Variants in DDX25 observed in about 807,000 individuals in gnomAD.
DDX25 encodes ATP-dependent RNA helicase DDX25.
DDX25 carries 70 observed loss-of-function variants against 64.6 expected under a neutral mutation model. That is an observed-to-expected ratio of 1.08 (90% CI 0.89 to 1.32). The LOEUF (loss-of-function observed/expected upper bound fraction) is 1.32. Ranked by LOEUF, DDX25 falls within the 40% of genes most tolerant of loss-of-function variation. DDX25 has a pLI of 0.00. For missense variants in DDX25, 587 were observed against 604.4 expected (o/e 0.97, Z 0.30); for synonymous variants, 211 against 213.3 (o/e 0.99, Z 0.09).
chr11:125,911,207 C>A lies in DDX25; in HGVS notation c.623-104C>A, dbSNP rs1944962868. ...GGGGTTTCCACTTGGAAAATTATTACAAACTGTATTTTTGCTTATGAGCTT... is the reference window on the plus strand; with the variant it reads ...GGGGTTTCCACTTGGAAAATTATTAAAAACTGTATTTTTGCTTATGAGCTT... On this transcript the variant is annotated intron_variant, in intron 7 of 11. Coordinates refer to ENST00000263576, the MANE Select transcript of DDX25 (RefSeq NM_013264.5). 7.3e-6 allele frequency: 8 copies of A among 1,096,238 alleles called. No individual in the cohort carries two copies. The Admixed American group carries it at 2.9e-4, about 39-fold the overall frequency. The allele number at this position is 1,096,238 out of a possible 1,614,324, so 67.9% of individuals were successfully genotyped here.
At position 125,921,245 on chromosome 11, in the gene DDX25, A is replaced by G; in HGVS notation, c.1256A>G (p.Gln419Arg). The change falls in exon 11 of 12, where the codon CAA becomes CGA. Residue 419 changes from glutamine to arginine, a missense_variant. Physicochemically the swap from Gln to Arg is conservative, Grantham distance 43 (BLOSUM62 1). Transcript: ENST00000263576. This position sits in a 1 kb window ranked among gnomAD's most constrained non-coding sequence, Gnocchi z 4.1. ...GTGAACTTTGATCTCCCTGTAAAAC[A>G]AGGAGAGGAGCCGGACTATGAGACC... ...IVVNFDLPVK[Q>R]GEEPDYETYL... 6.2e-7 allele frequency: 1 copy of G among 1,613,050 alleles called. No homozygotes were observed. Among genetic ancestry groups the G allele is most frequent in the Non-Finnish European group, 8.5e-7 (1 of 1,179,620 alleles).
At position 125,911,371 on chromosome 11, in the gene DDX25, A is replaced by G. The variant is rs1944966555; in HGVS notation, c.683A>G (p.Asp228Gly). Residue 228 changes from aspartate to glycine, a missense_variant, in exon 8 of 12, where the codon GAT (aspartate) becomes GGT (glycine). Transcript: ENST00000263576. ...IIIGTPGTVL[D>G]WCFKLKLIDL... The stretch of plus-strand genomic sequence containing the variant: ...ATTGGCACTCCTGGGACTGTCCTAG[A>G]TTGGTGTTTTAAACTAAAATTGATT... 6.2e-7 allele frequency: 1 copy of G among 1,613,802 alleles called. No homozygotes were observed. The highest frequency in any genetic ancestry group is 8.5e-7 in the Non-Finnish European group (1 of 1,179,830).
chr11:125,907,088 A>G (rs369140850), intron 4 of DDX25, among the ~76,000 whole-genome samples: 2 of 152,180 alleles, frequency 1.3e-5, no homozygotes, highest in Non-Finnish European at 2.9e-5. Context: ...ATTAAACTGA[A>G]TAACTTTCCC....
rs528420760 is a variant in DDX25 at position 125,924,563 on chromosome 11, C to T, written c.*1682C>T. 1 of 152,382 alleles carries T rather than the reference C, an allele frequency of 6.6e-6. No individual in the cohort carries two copies. The highest frequency in any genetic ancestry group is 2.4e-5 in the African/African-American group (1 of 41,576). 9.4% of individuals were successfully genotyped at this position (152,382 alleles called of 1,614,324 possible). ...GATGTATTCAACTGTGCCTTCTCAGCATGGACTTTGTACCACCCAGCAACT... is the reference window on the plus strand; with the variant it reads ...GATGTATTCAACTGTGCCTTCTCAGTATGGACTTTGTACCACCCAGCAACT... On this transcript the variant is annotated 3_prime_UTR_variant, in exon 12 of 12. Coordinates refer to ENST00000263576, the MANE Select transcript of DDX25 (RefSeq NM_013264.5).
chr11:125,918,599 G>T, intron 9 of DDX25, 29 bp from the exon 10 acceptor site: 1 of 1,602,604 alleles, frequency 6.2e-7, no homozygotes, highest in Non-Finnish European at 8.5e-7. Flanking sequence ...ATCTTGGGGT[G>T]CTGTGTTGGG....
rs956749438 is a variant in DDX25, at chr11:125,921,138, C to T, written c.1202-53C>T. 4 of 1,529,066 alleles carry T rather than the reference C, an allele frequency of 2.6e-6. No homozygotes were observed. The highest frequency in any genetic ancestry group is 2.0e-5 in the Admixed American group (1 of 50,508). The allele number at this position is 1,529,066 out of a possible 1,614,324, so 94.7% of individuals were successfully genotyped here. A position where few individuals can be genotyped will look rare whatever the true frequency, so the allele number is the denominator to read the frequency against. On this transcript the variant is annotated intron_variant, in intron 10 of 11. Coordinates refer to ENST00000263576, the MANE Select transcript of DDX25 (RefSeq NM_013264.5). The surrounding 1 kb of genome is among the most constrained non-coding windows in gnomAD (Gnocchi z 4.1). ...CTTGGCAGACGTGGTACTTGAATGG[C>T]CCGTGTACTGAGGAAAGCATTGCAG...
intron 8 of DDX25, among the ~76,000 whole-genome samples, chr11:125,916,710 C>T (rs1945042178): frequency 6.6e-6 from 1 of 152,234 alleles, no homozygotes; most frequent in Admixed American, 6.5e-5. Flanking sequence ...CTAGTCTACC[C>T]TTCTTGTGGC....
rs1480038612 is a variant in DDX25 at position 125,926,746 on chromosome 11, C to T, written c.*3865C>T. The T allele has an allele frequency of 1.3e-5, 2 of 152,110 alleles. No homozygotes were observed. Among genetic ancestry groups the T allele is most frequent in the Non-Finnish European group, 2.9e-5 (2 of 68,046 alleles). The allele number at this position is 152,110 out of a possible 1,614,324, so 9.4% of individuals were successfully genotyped here. On this transcript the variant is annotated 3_prime_UTR_variant, in exon 12 of 12. Coordinates refer to ENST00000263576, the MANE Select transcript of DDX25 (RefSeq NM_013264.5). ...TATTTTAGTAGCGATGGGGTTTCAC[C>T]GTATTGGTCAGGCTGGTCTCGAACT... is the stretch of plus-strand genomic sequence containing the variant.
intron 2 of DDX25, 91 bp downstream of exon 2, chr11:125,905,369 G>A (rs1944869120): frequency 1.2e-5 from 17 of 1,441,088 alleles, no homozygotes; most frequent in Non-Finnish European, 1.6e-5. Flanking sequence ...AAACACCGCG[G>A]ATTCATTAGT....
chr11:125,920,120 C>T (rs1370075638), intron 10 of DDX25, among the ~76,000 whole-genome samples: 1 of 152,138 alleles, frequency 6.6e-6, no homozygotes, highest in Admixed American at 6.5e-5. Flanking sequence ...CAGAAGTCTT[C>T]CGAGGCAGCC....
At chr11:125,917,662 A>C (rs1945056251) in intron 9 of DDX25, among the ~76,000 whole-genome samples, 2 of 152,144 alleles carry the variant, frequency 1.3e-5, no homozygotes, top group African/African-American at 4.8e-5. Flanking sequence ...CCCCGTAAAC[A>C]CTTTAAGCTT....
At chr11:125,915,664 G>A (rs1945027939) in intron 8 of DDX25, among the ~76,000 whole-genome samples, 1 of 152,176 alleles carries the variant, frequency 6.6e-6, no homozygotes, top group South Asian at 2.1e-4. Flanking sequence ...CCAGCAGGTG[G>A]CCAAGAGGCT....
chr11:125,905,385 A>G, intron 2 of DDX25, 107 bp downstream of exon 2: 2 of 1,371,244 alleles, frequency 1.5e-6, no homozygotes, highest in Admixed American at 2.0e-5. Flanking sequence ...TTAGTGTGAC[A>G]TTCAGCACTC....
intron 4 of DDX25, among the ~76,000 whole-genome samples, chr11:125,907,351 G>A (rs7131061): frequency 0.84 from 128,048 of 151,590 alleles, 54,516 homozygotes; most frequent in East Asian, 0.98. Context: ...GCTCACGCCT[G>A]TAATCCCAGC....
intron 11 of DDX25, chr11:125,922,549 GC>G: frequency 2.9e-6 from 1 of 349,158 alleles, no homozygotes; most frequent in Non-Finnish European, 5.2e-6. Context: ...GGAAGTGACT[GC>G]AGTAGAAGAG....
rs937612295 is a variant in DDX25, at chr11:125,911,412, C to T, written c.724C>T (p.Arg242Cys). 1.2e-6 allele frequency: 2 copies of T among 1,613,866 alleles called. No homozygotes were observed. Among genetic ancestry groups the T allele is most frequent in the Non-Finnish European group, 1.7e-6 (2 of 1,179,850 alleles). The change falls in exon 8 of 12, where the codon CGT (arginine) becomes TGT (cysteine). Residue 242 changes from arginine to cysteine, a missense_variant. Physicochemically the swap from Arg to Cys is radical, Grantham distance 180 (BLOSUM62 -3). Coordinates refer to ENST00000263576, the MANE Select transcript of DDX25 (RefSeq NM_013264.5). ...KLKLIDLTKIRVFVLDEADVM... is the reference protein window; with the variant it reads ...KLKLIDLTKICVFVLDEADVM... The stretch of plus-strand genomic sequence containing the variant: ...AAAATTGATTGATTTGACTAAGATT[C>T]GTGTGTTTGTCCTGGATGAAGCAGA...
chr11:125,907,098 CA>C (rs1944898738), intron 4 of DDX25, among the ~76,000 whole-genome samples: 1 of 152,074 alleles, frequency 6.6e-6, no homozygotes, highest in Non-Finnish European at 1.5e-5. Flanking sequence ...ATAACTTTCC[CA>C]AATGGGTTTG....
rs1432680314 is a variant in DDX25 at position 125,926,927 on chromosome 11, T to C, written c.*4046T>C. The stretch of plus-strand genomic sequence containing the variant: ...CAGGTTGATGTTTTCACCCTCGGGG[T>C]TCTGCCTTATCCCCTGCCACCCTCC... On this transcript the variant is annotated 3_prime_UTR_variant, in exon 12 of 12. Transcript: ENST00000263576. The C allele has an allele frequency of 6.6e-6, 1 of 152,292 alleles. No homozygotes were observed. The highest frequency in any genetic ancestry group is 1.5e-5 in the Non-Finnish European group (1 of 68,130). The allele number at this position is 152,292 out of a possible 1,614,324, so 9.4% of individuals were successfully genotyped here.
rs763834532 is a variant in DDX25 at position 125,921,420 on chromosome 11, C to T, written c.1390+41C>T. The T allele has an allele frequency of 2.5e-6, 4 of 1,590,996 alleles. No individual in the cohort carries two copies. The highest frequency in any genetic ancestry group is 2.3e-5 in the South Asian group (2 of 87,948). ...CTCACAATATGAACTACAGACCTGC[C>T]GGTCTGACAGTGATGATGTGTGCTG... On this transcript the variant is annotated intron_variant, in intron 11 of 11. Coordinates refer to ENST00000263576, the MANE Select transcript of DDX25 (RefSeq NM_013264.5). The surrounding 1 kb of genome is among the most constrained non-coding windows in gnomAD (Gnocchi z 4.1).
Sources: allele counts gnomAD v4.1 joint callset (sites outside exome capture counted in the v4.1 genomes callset), GRCh38; gene constraint gnomAD v4.1.1; non-coding constraint Gnocchi (gnomAD v3.1); transcripts MANE v1.5; gene names NCBI Gene and HGNC (gene_info 2026-07-23, HGNC 2026-07-21).